NELL2: variants seen among roughly 807,000 people sequenced by gnomAD.
NELL2 encodes the protein neural EGFL like 2.
A neutral mutation model predicts 109.6 loss-of-function variants in NELL2; 41 were observed. That is an observed-to-expected ratio of 0.37 (90% CI 0.29 to 0.49). The LOEUF (loss-of-function observed/expected upper bound fraction) is 0.49, where lower values mean the gene tolerates loss of function less well. Ranked by LOEUF, NELL2 falls within the 20% of genes least tolerant of loss-of-function variation. NELL2 has a pLI of 0.98. For missense variants in NELL2, 900 were observed against 1,008.3 expected (o/e 0.89, Z 1.45); for synonymous variants, 355 against 344.7 (o/e 1.03, Z -0.33).
intron 15 of NELL2, among the ~76,000 whole-genome samples, chr12:44,577,499 G>C (rs1338696539): frequency 1.7e-5 from 2 of 120,570 alleles, no homozygotes; most frequent in Non-Finnish European, 3.2e-5. Flanking sequence ...TTTTGAGATG[G>C]AGTCTTGCTC....
chr12:44,782,753 A>G (rs898895757), intron 3 of NELL2, among the ~76,000 whole-genome samples: 2 of 152,038 alleles, frequency 1.3e-5, no homozygotes. Flanking sequence ...GTGAAGCAAA[A>G]ACTGATAGAA....
At chr12:44,763,395 A>G (rs2136554898) in intron 9 of NELL2, among the ~76,000 whole-genome samples, 1 of 152,336 alleles carries the variant, frequency 6.6e-6, no homozygotes, top group Non-Finnish European at 1.5e-5. Context: ...ACAAAATAGT[A>G]TGAAAAGAAT....
At chr12:44,626,432 C>T (rs1196005057) in intron 13 of NELL2, among the ~76,000 whole-genome samples, 1 of 152,148 alleles carries the variant, frequency 6.6e-6, no homozygotes, top group Non-Finnish European at 1.5e-5. Context: ...TCAGAGGACA[C>T]CTCCTTAGAC....
chr12:44,538,040 T>C (rs1942371107), intron 15 of NELL2, among the ~76,000 whole-genome samples: 1 of 152,166 alleles, frequency 6.6e-6, no homozygotes, highest in Admixed American at 6.6e-5. Context: ...GTATTCAAAA[T>C]GCACAGATAT....
intron 9 of NELL2, among the ~76,000 whole-genome samples, chr12:44,736,514 C>CAA (rs56916445): frequency 7.0e-6 from 1 of 142,534 alleles, no homozygotes. Context: ...CTTGCTTAAT[C>CAA]AAAAAAAAAA....
chr12:44,776,263 C>T, intron 7 of NELL2, 113 bp from the exon 8 acceptor site: 3 of 950,694 alleles, frequency 3.2e-6, no homozygotes, highest in South Asian at 4.6e-5. Flanking sequence ...GATGGCTGTG[C>T]TTATCAACCA....
At chr12:44,889,049 A>G (rs2136867436) in intron 1 of NELL2, among the ~76,000 whole-genome samples, 1 of 152,078 alleles carries the variant, frequency 6.6e-6, no homozygotes, top group South Asian at 2.1e-4. Context: ...CTGGGGGTCA[A>G]GTCTACATTG....
At chr12:44,639,402 C>G (rs928550563) in intron 13 of NELL2, among the ~76,000 whole-genome samples, 1 of 152,180 alleles carries the variant, frequency 6.6e-6, no homozygotes, top group African/African-American at 2.4e-5. Flanking sequence ...ACACTTCACT[C>G]CACCCGCAGC....
chr12:44,900,934 A>G (rs1404066656), intron 1 of NELL2, among the ~76,000 whole-genome samples: 1 of 152,162 alleles, frequency 6.6e-6, no homozygotes, highest in East Asian at 1.9e-4. Flanking sequence ...GGTTGCAGTG[A>G]GGCCAGATCA....
intron 3 of NELL2, among the ~76,000 whole-genome samples, chr12:44,781,587 A>G (rs1008179113): frequency 6.6e-6 from 1 of 152,124 alleles, no homozygotes; most frequent in Non-Finnish European, 1.5e-5. Flanking sequence ...TTTCAACTTC[A>G]TATCAAGCCA....
At chr12:44,758,348 C>A (rs868817784) in intron 9 of NELL2, among the ~76,000 whole-genome samples, 1 of 152,148 alleles carries the variant, frequency 6.6e-6, no homozygotes, top group Non-Finnish European at 1.5e-5. Flanking sequence ...AAATGCTATT[C>A]GCTGTGTTGG....
chr12:44,698,846 A>C (rs930164834), intron 12 of NELL2, among the ~76,000 whole-genome samples: 3 of 152,216 alleles, frequency 2.0e-5, no homozygotes, highest in African/African-American at 7.2e-5. Flanking sequence ...AGGCTTAGAT[A>C]GGAAAATCAC....
intron 15 of NELL2, among the ~76,000 whole-genome samples, chr12:44,545,521 A>C (rs892702001): frequency 1.3e-5 from 2 of 152,104 alleles, no homozygotes; most frequent in Non-Finnish European, 2.9e-5. Flanking sequence ...TCAGATAACA[A>C]GGTAAATATT....
intron 9 of NELL2, among the ~76,000 whole-genome samples, chr12:44,733,660 A>G (rs568403498): frequency 1.3e-5 from 2 of 151,994 alleles, no homozygotes; most frequent in South Asian, 2.1e-4. Flanking sequence ...TATAGTTAAC[A>G]ATACTGTATT....
chr12:44,719,833 A>C (rs577378021), intron 9 of NELL2, among the ~76,000 whole-genome samples: 110 of 152,132 alleles, frequency 7.2e-4, no homozygotes, highest in Non-Finnish European at 1.3e-3. Flanking sequence ...TACAAATCAA[A>C]GCTGTTGGAT....
upstream of NELL2, among the ~76,000 whole-genome samples, chr12:44,914,548 A>G (rs1350213876): frequency 4.6e-5 from 7 of 152,146 alleles, no homozygotes; most frequent in African/African-American, 1.7e-4. Context: ...AGCAATTAAA[A>G]CCATCTAACA....
intron 9 of NELL2, among the ~76,000 whole-genome samples, chr12:44,743,596 T>G (rs981351351): frequency 3.9e-5 from 6 of 152,040 alleles, no homozygotes; most frequent in African/African-American, 1.4e-4. Flanking sequence ...AATAAAGGGA[T>G]GGAGGAAGAT....
intron 3 of NELL2, among the ~76,000 whole-genome samples, chr12:44,801,228 T>C (rs374622035): frequency 2.0e-4 from 31 of 152,292 alleles, no homozygotes; most frequent in African/African-American, 7.5e-4. Flanking sequence ...CCCAATAATG[T>C]AGACCATGAT....
chr12:44,819,405 C>T (rs963051371), intron 2 of NELL2, among the ~76,000 whole-genome samples: 4 of 152,218 alleles, frequency 2.6e-5, no homozygotes, highest in Non-Finnish European at 4.4e-5. Context: ...CCTAAACTAC[C>T]TTTCCCAAAT....
Sources: gnomAD v4.1 joint callset for allele counts (sites outside exome capture counted in the v4.1 genomes callset) on GRCh38, gnomAD v4.1.1 for gene constraint, MANE v1.5 for transcripts, NCBI Gene and HGNC (gene_info 2026-07-23, HGNC 2026-07-21) for gene names.